The following SORCS2 variants were observed in gnomAD, a reference collection of about 807,000 sequenced individuals.
SORCS2 encodes VPS10 domain-containing receptor SorCS2.
In SORCS2, 100 loss-of-function variants were observed where a neutral mutation model predicts 141.6. The ratio of observed to expected loss-of-function variants is 0.71; its 90% confidence interval spans 0.60 to 0.83. The LOEUF is 0.83. Ranked by LOEUF, SORCS2 falls within the 40% of genes least tolerant of loss-of-function variation. The pLI is 0.00. For synonymous variants in SORCS2, 789 were observed against 676.9 expected (o/e 1.17, Z -2.57); for missense variants, 1,646 against 1,560.2 (o/e 1.05, Z -0.93).
At chr4:7,389,758 A>C (rs758342040) in intron 1 of SORCS2, among the ~76,000 whole-genome samples, 2 of 152,132 alleles carry the variant, frequency 1.3e-5, no homozygotes, top group Non-Finnish European at 2.9e-5. Flanking sequence ...CAAGTATGCA[A>C]ATGCCTGCGG....
chr4:7,194,573 G>A (rs1421821244), intron 1 of SORCS2, among the ~76,000 whole-genome samples: 4 of 152,192 alleles, frequency 2.6e-5, no homozygotes, highest in Non-Finnish European at 5.9e-5. Flanking sequence ...GCCCTTGGAG[G>A]GGAGAGCTGG....
chr4:7,587,004 C>A (rs1322957595), intron 3 of SORCS2, among the ~76,000 whole-genome samples: 1 of 151,870 alleles, frequency 6.6e-6, no homozygotes. Flanking sequence ...GACAGAGAAG[C>A]AGACGTCAGC....
At chr4:7,636,370 GGAATGAATGAATGAGT>G (rs1388163989) in intron 3 of SORCS2, among the ~76,000 whole-genome samples, 45 of 152,210 alleles carry the variant, frequency 3.0e-4, no homozygotes, top group African/African-American at 9.9e-4. Context: ...GTCGAATGAG[GGAATGAATGAATGAGT>G]GAATGAATGA....
chr4:7,434,614 G>A, intron 2 of SORCS2: 1 of 1,613,426 alleles, frequency 6.2e-7, no homozygotes, highest in Non-Finnish European at 8.5e-7. Flanking sequence ...CATCACCAAA[G>A]CCAGGATGTC....
At chr4:7,328,192 AT>A (rs377012517) in intron 1 of SORCS2, among the ~76,000 whole-genome samples, 25,163 of 133,914 alleles carry the variant, frequency 0.19, 2,497 homozygotes, top group East Asian at 0.39. Context: ...TGCCTGGCTA[AT>A]TTTTTTTTTT....
At chr4:7,446,541 T>C (rs73086370) in intron 2 of SORCS2, among the ~76,000 whole-genome samples, 4,978 of 152,270 alleles carry the variant, frequency 0.033, 234 homozygotes, top group African/African-American at 0.11. Context: ...AGGGGCTGCC[T>C]CTGCAGCTGG....
chr4:7,382,060 G>T (rs533823092), intron 1 of SORCS2: 94 of 870,344 alleles, frequency 1.1e-4, no homozygotes, highest in Non-Finnish European at 1.3e-4. Context: ...TTCGGGAAAG[G>T]CCCAGGCATG....
chr4:7,455,497 G>A (rs1312649603), intron 2 of SORCS2, among the ~76,000 whole-genome samples: 2 of 146,790 alleles, frequency 1.4e-5, no homozygotes, highest in African/African-American at 2.5e-5. Flanking sequence ...TCCGTGTTGG[G>A]GTCAGGCTCC....
intron 2 of SORCS2, among the ~76,000 whole-genome samples, chr4:7,416,549 C>T (rs28700054): frequency 0.069 from 10,541 of 152,304 alleles, 529 homozygotes; most frequent in African/African-American, 0.15. Flanking sequence ...CCCACACGTG[C>T]ATGCATGTGC....
intron 1 of SORCS2, among the ~76,000 whole-genome samples, chr4:7,284,997 C>A (rs1716110860): frequency 6.6e-6 from 1 of 151,392 alleles, no homozygotes; most frequent in African/African-American, 2.4e-5. Flanking sequence ...GATTTAAGAC[C>A]TACCCGCTCA....
intron 2 of SORCS2, chr4:7,433,940 C>T (rs368136538): frequency 6.2e-7 from 1 of 1,613,780 alleles, no homozygotes; most frequent in African/African-American, 1.3e-5. Context: ...ATCATGAGCT[C>T]AGAGCTGTTG....
At chr4:7,654,277 T>G (rs1170361501) in intron 5 of SORCS2, 70 bp downstream of exon 5, 6 of 1,487,158 alleles carry the variant, frequency 4.0e-6, no homozygotes, top group African/African-American at 1.4e-5. Flanking sequence ...CCCAAACCCT[T>G]GGGAGCCCAT....
chr4:7,287,351 G>C (rs551718124), intron 1 of SORCS2, among the ~76,000 whole-genome samples: 1 of 152,348 alleles, frequency 6.6e-6, no homozygotes, highest in East Asian at 1.9e-4. Context: ...CCTCCCGTCT[G>C]GGTGCGTCCC....
chr4:7,531,523 C>T lies in SORCS2; in HGVS notation c.549-7C>T. On this transcript the variant is annotated splice_polypyrimidine_tract_variant and splice_region_variant and intron_variant, in intron 2 of 26. Coordinates refer to ENST00000507866, the MANE Select transcript of SORCS2 (RefSeq NM_020777.3). ...CATGGCTGACGGCTGTCCCCCTTTT[C>T]CCCCAGGTCATCAGATTTCGGGACG... 1 of 1,612,956 alleles carries T rather than the reference C, an allele frequency of 6.2e-7. No individual in the cohort carries two copies. Among genetic ancestry groups the T allele is most frequent in the Non-Finnish European group, 8.5e-7 (1 of 1,179,226 alleles).
At chr4:7,628,070 T>A (rs1176148583) in intron 3 of SORCS2, among the ~76,000 whole-genome samples, 10 of 152,142 alleles carry the variant, frequency 6.6e-5, no homozygotes, top group African/African-American at 2.4e-4. Flanking sequence ...CTGTCAGCGG[T>A]CATGTGAAGG....
intron 1 of SORCS2, among the ~76,000 whole-genome samples, chr4:7,272,127 C>T (rs936458662): frequency 6.6e-6 from 1 of 152,178 alleles, no homozygotes; most frequent in Non-Finnish European, 1.5e-5. Flanking sequence ...AACCGCTGAG[C>T]ACAATTTCTT....
intron 3 of SORCS2, among the ~76,000 whole-genome samples, chr4:7,543,671 T>TCCAC (rs1712919380): frequency 9.7e-6 from 1 of 102,676 alleles, no homozygotes; most frequent in African/African-American, 3.7e-5. Flanking sequence ...CACCCATCCA[T>TCCAC]CCATCCACCC....
At chr4:7,329,622 G>C (rs965734242) in intron 1 of SORCS2, among the ~76,000 whole-genome samples, 1 of 152,178 alleles carries the variant, frequency 6.6e-6, no homozygotes, top group African/African-American at 2.4e-5. Flanking sequence ...GAAACACGAA[G>C]AAGCATATGT....
In SORCS2 at chr4:7,718,177, G is replaced by A. The variant is rs777363749; in HGVS notation, c.2418G>A (p.Gln806=). The stretch of plus-strand genomic sequence containing the variant: ...AGGACGTCCTGTTTGTGGTGCGGCA[G>A]GAGCAGGTGAGTGAGCACCTCCCAG... ...PGEDVLFVVR[Q]EQGDVLTTKY... is the part of the protein sequence containing the mutation. Residue 806 remains glutamine (Q), a synonymous_variant, in exon 18 of 27, where the codon CAG becomes CAA. Coordinates refer to ENST00000507866, the MANE Select transcript of SORCS2 (RefSeq NM_020777.3). 1.5e-5 allele frequency: 24 copies of A among 1,609,804 alleles called. No homozygotes were observed. The highest frequency in any genetic ancestry group is 1.9e-5 in the Non-Finnish European group (22 of 1,179,188).
Sources: allele counts gnomAD v4.1 joint callset (sites outside exome capture counted in the v4.1 genomes callset), GRCh38; gene constraint gnomAD v4.1.1; transcripts MANE v1.5; gene names NCBI Gene and HGNC (gene_info 2026-07-23, HGNC 2026-07-21).